Variants in ROBO1 observed in about 807,000 individuals in gnomAD.
ROBO1 encodes the protein roundabout homolog 1.
Under a neutral mutation model 195.9 loss-of-function variants are expected in ROBO1, and 149 were observed. The observed-to-expected ratio is 0.76, with a 90% confidence interval of 0.67 to 0.87. The LOEUF is 0.87. Ranked by LOEUF, ROBO1 falls within the 40% of genes least tolerant of loss-of-function variation. The pLI, the probability that ROBO1 is intolerant of heterozygous loss-of-function variation, is 0.00. For missense variants in ROBO1, 1,933 were observed against 2,068.3 expected (o/e 0.93, Z 1.27); for synonymous variants, 816 against 733.2 (o/e 1.11, Z -1.82).
rs926335727 is a variant in ROBO1 at position 79,243,706 on chromosome 3, G to T, written c.89-118167C>A. ...GTTTTTTTCTTGTAAATTTGTTTGA[G>T]TTCATCGTAGATTCTGGATATTAGC... On this transcript the variant is annotated intron_variant, in intron 2 of 30. Transcript: ENST00000464233. Among the ~76,000 whole-genome samples, 3 of 152,094 alleles carry T rather than the reference G, an allele frequency of 2.0e-5. 1 individual carries two copies. In the East Asian group the frequency reaches 5.8e-4, roughly 29 times the overall value.
chr3:79,326,416 TTC>T (rs1187343470), intron 2 of ROBO1, among the ~76,000 whole-genome samples: 2 of 152,152 alleles, frequency 1.3e-5, no homozygotes, highest in African/African-American at 2.4e-5. Flanking sequence ...GCTTTAAAAT[TTC>T]TCTCTTTTGT....
intron 1 of ROBO1, among the ~76,000 whole-genome samples, chr3:79,592,076 A>G (rs893581198): frequency 6.6e-6 from 1 of 151,976 alleles, no homozygotes; most frequent in Non-Finnish European, 1.5e-5. Flanking sequence ...ATGATATTTC[A>G]TAGTACATTA....
At chr3:79,499,245 T>C (rs375543786) in intron 2 of ROBO1, among the ~76,000 whole-genome samples, 5 of 152,166 alleles carry the variant, frequency 3.3e-5, no homozygotes, top group Admixed American at 3.3e-4. Context: ...TCCACCCACC[T>C]TGGCCTCCCA....
chr3:78,781,843 T>C (rs953958808), intron 4 of ROBO1, among the ~76,000 whole-genome samples: 4 of 152,196 alleles, frequency 2.6e-5, no homozygotes, highest in Non-Finnish European at 1.5e-5. Context: ...AAAATATACA[T>C]AATAGTTTGT....
At chr3:79,674,098 A>T (rs1426744156) in intron 1 of ROBO1, among the ~76,000 whole-genome samples, 4 of 152,038 alleles carry the variant, frequency 2.6e-5, no homozygotes, top group Non-Finnish European at 5.9e-5. Flanking sequence ...TTTTAATGAT[A>T]TTTATGAAAC....
intron 1 of ROBO1, among the ~76,000 whole-genome samples, chr3:79,704,656 G>T (rs116588398): frequency 0.014 from 2,130 of 152,066 alleles, 31 homozygotes; most frequent in African/African-American, 0.035. Flanking sequence ...TTCATGTGCA[G>T]AATTTTGCAT....
Position 79,518,705 on chromosome 3 carries a change from A to C in ROBO1, c.88+71119T>G, listed in dbSNP as rs773261048. Among the ~76,000 whole-genome samples the C allele has an allele frequency of 7.9e-5, 12 of 151,818 alleles. No individual in the cohort carries two copies. The South Asian group carries it at 1.5e-3, about 18-fold the overall frequency. On this transcript the variant is annotated intron_variant, in intron 2 of 30. Coordinates refer to ENST00000464233, the MANE Select transcript of ROBO1 (RefSeq NM_002941.4). ...TATTATTATTATTATTTTTAGATGG[A>C]ATTTTGCTCTTGTTGCCCAGGCTGG...
intron 5 of ROBO1, among the ~76,000 whole-genome samples, chr3:78,721,099 A>T (rs567722598): frequency 1.0e-3 from 152 of 148,122 alleles, no homozygotes; most frequent in African/African-American, 3.0e-3. Context: ...AAGTATAATT[A>T]AAAAAAAAAG....
intron 2 of ROBO1, among the ~76,000 whole-genome samples, chr3:79,575,189 TATATAA>T (rs1943420847): frequency 1.6e-5 from 2 of 122,646 alleles, no homozygotes; most frequent in Non-Finnish European, 3.3e-5. Context: ...ATATAACATA[TATATAA>T]ATATATATAT....
intron 3 of ROBO1, among the ~76,000 whole-genome samples, chr3:78,976,794 A>G (rs1403336210): frequency 6.6e-6 from 1 of 152,218 alleles, no homozygotes; most frequent in African/African-American, 2.4e-5. Context: ...GAGTCCAGCA[A>G]TTAAAGCACA....
chr3:79,299,365 G>A lies in ROBO1; in HGVS notation c.89-173826C>T, dbSNP rs1167212417. 2.0e-5 allele frequency among the ~76,000 whole-genome samples: 3 copies of A among 152,074 alleles called. 1 individual carries two copies. Among genetic ancestry groups the A allele is most frequent in the Admixed American group, 6.5e-5 (1 of 15,268 alleles). ...GTCTCCAAATTCTTCACCAGGAAAG[G>A]GATTAACATGTGGCTTATTGGGAAC... On this transcript the variant is annotated intron_variant, in intron 2 of 30. Coordinates refer to ENST00000464233, the MANE Select transcript of ROBO1 (RefSeq NM_002941.4).
At chr3:78,899,545 T>C (rs1050599624) in intron 4 of ROBO1, among the ~76,000 whole-genome samples, 1 of 152,184 alleles carries the variant, frequency 6.6e-6, no homozygotes, top group Non-Finnish European at 1.5e-5. Context: ...AAACTGGGAA[T>C]GTTTGCTGTT....
At chr3:79,692,730 C>G (rs760392692) in intron 1 of ROBO1, among the ~76,000 whole-genome samples, 5 of 151,730 alleles carry the variant, frequency 3.3e-5, no homozygotes, top group Non-Finnish European at 7.4e-5. Context: ...GAAATAAGTT[C>G]AAGATATATA....
intron 1 of ROBO1, among the ~76,000 whole-genome samples, chr3:79,636,844 G>A (rs79791098): frequency 2.6e-5 from 4 of 152,224 alleles, no homozygotes; most frequent in South Asian, 2.1e-4. Flanking sequence ...TGACTGAAAC[G>A]TGTTAGCTGT....
chr3:79,725,805 C>G (rs1702898724), intron 1 of ROBO1, among the ~76,000 whole-genome samples: 1 of 151,828 alleles, frequency 6.6e-6, no homozygotes, highest in Non-Finnish European at 1.5e-5. Context: ...TTAACTGATA[C>G]TGAATATATG....
At chr3:78,927,787 T>C (rs186226705) in intron 4 of ROBO1, among the ~76,000 whole-genome samples, 130 of 152,318 alleles carry the variant, frequency 8.5e-4, no homozygotes, top group African/African-American at 3.0e-3. Flanking sequence ...TGTGGACTTA[T>C]GTATGAGAAG....
At chr3:79,353,723 A>G (rs1215637851) in intron 2 of ROBO1, among the ~76,000 whole-genome samples, 1 of 152,164 alleles carries the variant, frequency 6.6e-6, no homozygotes, top group Non-Finnish European at 1.5e-5. Flanking sequence ...AGGATGCACA[A>G]GAAGCTAGTT....
chr3:79,146,104 T>C (rs941847751), intron 2 of ROBO1, among the ~76,000 whole-genome samples: 1 of 151,994 alleles, frequency 6.6e-6, no homozygotes, highest in Non-Finnish European at 1.5e-5. Flanking sequence ...TATTTCTATT[T>C]ATAAAATAAT....
chr3:78,889,247 T>C (rs2036743480), intron 4 of ROBO1, among the ~76,000 whole-genome samples: 1 of 152,234 alleles, frequency 6.6e-6, no homozygotes, highest in Admixed American at 6.5e-5. Context: ...TGTTCATACA[T>C]GTTTAAAAAA....
Sources: gnomAD v4.1 joint callset for allele counts (sites outside exome capture counted in the v4.1 genomes callset) on GRCh38, gnomAD v4.1.1 for gene constraint, MANE v1.5 for transcripts, NCBI Gene and HGNC (gene_info 2026-07-23, HGNC 2026-07-21) for gene names.